Variants in IL1RAPL1 observed in about 807,000 individuals in gnomAD.
The protein encoded by IL1RAPL1 is interleukin-1 receptor accessory protein-like 1.
In IL1RAPL1, 3 loss-of-function variants were observed where a neutral mutation model predicts 48.4. That is an observed-to-expected ratio of 0.06 (90% CI 0.03 to 0.16). The LOEUF is 0.16. IL1RAPL1 is among the 10% of genes least tolerant of loss of function. IL1RAPL1 has a pLI of 1.00. For synonymous variants in IL1RAPL1, 185 were observed against 187.7 expected (o/e 0.99, Z 0.12); for missense variants, 349 against 530.6 (o/e 0.66, Z 3.36).
intron 2 of IL1RAPL1, among the ~76,000 whole-genome samples, chrX:29,122,425 A>T: frequency 2.0e-5 from 2 of 98,683 alleles, no homozygotes; most frequent in African/African-American, 7.7e-5. Flanking sequence ...ACACACACAC[A>T]CACACACACA....
intron 2 of IL1RAPL1, among the ~76,000 whole-genome samples, chrX:29,134,726 C>T (rs935501676): frequency 9.0e-6 from 1 of 111,335 alleles, no homozygotes; most frequent in Non-Finnish European, 1.9e-5. Context: ...CCATTTTTCC[C>T]AAATGAGCCT....
chrX:29,161,516 A>G (rs1328930756), intron 2 of IL1RAPL1, among the ~76,000 whole-genome samples: 1 of 112,093 alleles, frequency 8.9e-6, no homozygotes, highest in African/African-American at 3.2e-5. Context: ...AGACACCTCT[A>G]GGTTTACCTT....
intron 5 of IL1RAPL1, among the ~76,000 whole-genome samples, chrX:29,418,112 TA>T (rs1569307105): frequency 0.15 from 7,114 of 48,468 alleles, 831 homozygotes; most frequent in Non-Finnish European, 0.2. Context: ...TATATATATA[TA>T]TATATATATA....
intron 6 of IL1RAPL1, among the ~76,000 whole-genome samples, chrX:29,686,287 T>C (rs1926614351): frequency 9.0e-6 from 1 of 111,167 alleles, no homozygotes; most frequent in Non-Finnish European, 1.9e-5. Context: ...TTAATTGTTT[T>C]AATATTATAG....
intron 6 of IL1RAPL1, among the ~76,000 whole-genome samples, chrX:29,671,530 A>G (rs1275616993): frequency 1.8e-5 from 2 of 112,613 alleles, no homozygotes; most frequent in Admixed American, 1.9e-4. Flanking sequence ...AAATGTAAAA[A>G]AAAGAACACT....
chrX:29,001,715 A>G (rs1925856558), intron 2 of IL1RAPL1, among the ~76,000 whole-genome samples: 1 of 111,565 alleles, frequency 9.0e-6, no homozygotes, highest in Non-Finnish European at 1.9e-5. Flanking sequence ...AAATATTTTA[A>G]TTGATGGAAA....
intron 5 of IL1RAPL1, among the ~76,000 whole-genome samples, chrX:29,623,231 C>T (rs1396614083): frequency 9.3e-6 from 1 of 107,275 alleles, no homozygotes; most frequent in Non-Finnish European, 1.9e-5. Flanking sequence ...GCCAGCGAGC[C>T]GAGATGCGCC....
At chrX:29,170,809 C>T (rs1289358253) in intron 2 of IL1RAPL1, among the ~76,000 whole-genome samples, 1 of 111,557 alleles carries the variant, frequency 9.0e-6, no homozygotes, top group African/African-American at 3.3e-5. Flanking sequence ...CCGATAACTT[C>T]AGCAAAATGC....
intron 3 of IL1RAPL1, among the ~76,000 whole-genome samples, chrX:29,358,819 G>T (rs1465666958): frequency 9.1e-6 from 1 of 110,397 alleles, no homozygotes; most frequent in East Asian, 2.8e-4. Flanking sequence ...AGGAGTTCGA[G>T]ACCAGCCTGG....
chrX:28,915,007 A>G (rs150413939), intron 2 of IL1RAPL1, among the ~76,000 whole-genome samples: 125 of 111,470 alleles, frequency 1.1e-3, no homozygotes, highest in African/African-American at 3.7e-3. Flanking sequence ...GTGGAAGACA[A>G]TTTTTCCATG....
At chrX:29,103,193 TG>T (rs1047664563) in intron 2 of IL1RAPL1, among the ~76,000 whole-genome samples, 4 of 111,555 alleles carry the variant, frequency 3.6e-5, no homozygotes, top group Non-Finnish European at 7.5e-5. Context: ...AGAATAAACC[TG>T]GAAGAAGCAC....
intron 5 of IL1RAPL1, among the ~76,000 whole-genome samples, chrX:29,491,989 C>T (rs936510164): frequency 4.5e-5 from 5 of 112,226 alleles, no homozygotes; most frequent in Non-Finnish European, 7.5e-5. Flanking sequence ...CTATTTGTAA[C>T]TTTACGTGTC....
chrX:28,652,040 CA>C (rs1195570533), intron 1 of IL1RAPL1, among the ~76,000 whole-genome samples: 1 of 111,671 alleles, frequency 9.0e-6, no homozygotes, highest in Non-Finnish European at 1.9e-5. Flanking sequence ...TATGTCTGAC[CA>C]AAAGTATATT....
intron 6 of IL1RAPL1, among the ~76,000 whole-genome samples, chrX:29,828,670 T>C (rs1371852895): frequency 8.9e-6 from 1 of 112,180 alleles, no homozygotes; most frequent in Non-Finnish European, 1.9e-5. Context: ...TAAGATTCTA[T>C]TTTATTTCTA....
At chrX:29,751,981 A>ATG (rs1171836673) in intron 6 of IL1RAPL1, among the ~76,000 whole-genome samples, 1 of 102,950 alleles carries the variant, frequency 9.7e-6, no homozygotes, top group Non-Finnish European at 2.0e-5. Flanking sequence ...TATCATATAT[A>ATG]TGTGTGTGTA....
At chrX:29,678,313 C>CCAATT (rs1212911320) in intron 6 of IL1RAPL1, among the ~76,000 whole-genome samples, 1 of 101,848 alleles carries the variant, frequency 9.8e-6, no homozygotes. Context: ...AGGCTTCCTT[C>CCAATT]CAATTCACCA....
chrX:29,513,064 C>G (rs1374124710), intron 5 of IL1RAPL1, among the ~76,000 whole-genome samples: 6 of 111,798 alleles, frequency 5.4e-5, no homozygotes, highest in African/African-American at 1.9e-4. Flanking sequence ...GCTCTCTTGT[C>G]TTAATTTTGT....
At chrX:29,941,581 A>G (rs1428375010) in intron 8 of IL1RAPL1, 70 bp from the exon 9 acceptor site, 19 of 1,087,844 alleles carry the variant, frequency 1.7e-5, no homozygotes, top group Non-Finnish European at 2.0e-5. Flanking sequence ...ATGTGAAATC[A>G]AACTGAGTTT....
At chrX:28,668,269 TC>T (rs1222248621) in intron 1 of IL1RAPL1, among the ~76,000 whole-genome samples, 1 of 111,861 alleles carries the variant, frequency 8.9e-6, no homozygotes, top group African/African-American at 3.3e-5. Context: ...GTTTTTTTTT[TC>T]TTTTTTGAGA....
Sources: gnomAD v4.1 joint callset for allele counts (sites outside exome capture counted in the v4.1 genomes callset) on GRCh38, gnomAD v4.1.1 for gene constraint, MANE v1.5 for transcripts, NCBI Gene and HGNC (gene_info 2026-07-23, HGNC 2026-07-21) for gene names.